The following MGAT5 variants were observed in gnomAD, a reference collection of about 807,000 sequenced individuals.
MGAT5 encodes alpha-1,6-mannosylglycoprotein 6-beta-N-acetylglucosaminyltransferase, also known as alpha-1,6-mannosylglycoprotein 6-beta-N-acetylglucosaminyltransferase A.
Under a neutral mutation model 94.3 loss-of-function variants are expected in MGAT5, and 30 were observed. That is an observed-to-expected ratio of 0.32 (90% confidence interval 0.24 to 0.43). The LOEUF (loss-of-function observed/expected upper bound fraction) is 0.43, where lower values mean the gene tolerates loss of function less well. MGAT5 is among the 20% of genes least tolerant of loss of function. The pLI, the probability that MGAT5 is intolerant of heterozygous loss-of-function variation, is 1.00. For missense variants in MGAT5, 691 were observed against 905.5 expected (o/e 0.76, Z 3.04); for synonymous variants, 310 against 322.9 (o/e 0.96, Z 0.43).
intron 9 of MGAT5, among the ~76,000 whole-genome samples, chr2:134,354,617 G>A (rs1259402582): frequency 4.6e-5 from 7 of 151,984 alleles, no homozygotes; most frequent in Admixed American, 3.9e-4. Flanking sequence ...GTATTATTTT[G>A]CCCCCAGTCT....
intron 1 of MGAT5, among the ~76,000 whole-genome samples, chr2:134,170,051 T>G (rs1268003876): frequency 2.0e-5 from 3 of 152,204 alleles, no homozygotes; most frequent in East Asian, 1.9e-4. Context: ...TGCCATATGA[T>G]GCACCAACTA....
chr2:134,318,881 C>T, intron 4 of MGAT5, 142 bp downstream of exon 4: 1 of 542,964 alleles, frequency 1.8e-6, no homozygotes, highest in South Asian at 2.5e-5. Flanking sequence ...ACTCTCCCTA[C>T]CTCTCCAGGA....
Position 134,317,532 on chromosome 2 carries a change from T to A in MGAT5, c.410T>A (p.Ile137Asn). The change falls in exon 3 of 16, where the codon ATC (isoleucine) becomes AAC (asparagine). Residue 137 changes from isoleucine (I) to asparagine (N), a missense_variant. This residue lies in a region of MGAT5 where 307 missense variants were observed against 335.4 expected (regional missense o/e 0.92). Coordinates refer to ENST00000281923, the MANE Select transcript of MGAT5 (RefSeq NM_002410.5). ...VALEKINVAD[I>N]INGAQEKCVL... ...TGTTGTTTTTCATTCTTCACAGATA[T>A]CATTAACGGAGCTCAAGAAAAATGT... 1 of 1,560,802 alleles carries A rather than the reference T, an allele frequency of 6.4e-7. No homozygotes were observed. Among genetic ancestry groups the A allele is most frequent in the Non-Finnish European group, 8.7e-7 (1 of 1,155,052 alleles).
At chr2:134,310,828 C>T (rs905120823) in intron 2 of MGAT5, among the ~76,000 whole-genome samples, 4 of 152,208 alleles carry the variant, frequency 2.6e-5, no homozygotes, top group African/African-American at 7.2e-5. Context: ...GATTTATTGC[C>T]ATCCACTCCT....
intron 14 of MGAT5, among the ~76,000 whole-genome samples, chr2:134,439,557 T>C (rs1685358524): frequency 2.0e-5 from 3 of 151,830 alleles, no homozygotes; most frequent in Admixed American, 6.6e-5. Context: ...ATTAGCTGGG[T>C]GTGGGGGTGC....
rs1168235958 is a variant in MGAT5, at chr2:134,338,458, C to G, written c.807+38C>G. ...TTAATTCAGTGCAGTTAGATGCCAG[C>G]TTTCTTTTAAAATTTGATTTTGCTT... On this transcript the variant is annotated intron_variant, in intron 6 of 15. Coordinates refer to ENST00000281923, the MANE Select transcript of MGAT5 (RefSeq NM_002410.5). 6 of 1,547,590 alleles carry G rather than the reference C, an allele frequency of 3.9e-6. No individual in the cohort carries two copies. In the South Asian group the frequency reaches 7.3e-5, roughly 19 times the overall value.
chr2:134,186,906 T>C (rs994384906), intron 1 of MGAT5, among the ~76,000 whole-genome samples: 1 of 151,906 alleles, frequency 6.6e-6, no homozygotes, highest in African/African-American at 2.4e-5. Flanking sequence ...AAAAACCAAG[T>C]AGGGCAGGAG....
chr2:134,422,794 C>A lies in MGAT5; in HGVS notation c.1678-9C>A, dbSNP rs761512958. On this transcript the variant is annotated splice_polypyrimidine_tract_variant and intron_variant, in intron 12 of 15. Coordinates refer to ENST00000281923, the MANE Select transcript of MGAT5 (RefSeq NM_002410.5). The stretch of plus-strand genomic sequence containing the variant: ...GCTTGTGAGACTGAGGTGTTCGGTT[C>A]TTTTCCAGCTGACATCCCAGCATCC... The A allele has an allele frequency of 1.9e-6, 3 of 1,612,076 alleles. No individual in the cohort carries two copies. Among genetic ancestry groups the A allele is most frequent in the Admixed American group, 3.3e-5 (2 of 59,992 alleles).
chr2:134,235,727 G>GTTTTTTTTT (rs111416761), intron 1 of MGAT5, among the ~76,000 whole-genome samples: 1 of 149,352 alleles, frequency 6.7e-6, no homozygotes. Context: ...TAATAATAGG[G>GTTTTTTTTT]GTTTTTTTTT....
intron 4 of MGAT5, among the ~76,000 whole-genome samples, chr2:134,327,699 A>G (rs1291517368): frequency 6.6e-6 from 1 of 152,148 alleles, no homozygotes; most frequent in South Asian, 2.1e-4. Flanking sequence ...GAAATATTAG[A>G]AAGTGAAGCC....
chr2:134,180,180 C>T (rs1573805058), intron 1 of MGAT5, among the ~76,000 whole-genome samples: 1 of 152,290 alleles, frequency 6.6e-6, no homozygotes, highest in East Asian at 1.9e-4. Context: ...ATACTCAGTC[C>T]AGCAGCCCAT....
At chr2:134,309,743 G>A (rs1240943436) in intron 2 of MGAT5, among the ~76,000 whole-genome samples, 2 of 152,136 alleles carry the variant, frequency 1.3e-5, no homozygotes, top group Non-Finnish European at 2.9e-5. Flanking sequence ...GTGGCTGTGT[G>A]TATGTATAGC....
chr2:134,321,555 C>A (rs763992787), intron 4 of MGAT5, among the ~76,000 whole-genome samples: 2 of 152,122 alleles, frequency 1.3e-5, no homozygotes, highest in Non-Finnish European at 2.9e-5. Context: ...GAGAGGAATA[C>A]GGGATGAAGA....
At chr2:134,276,155 GC>G (rs561361660) in intron 2 of MGAT5, among the ~76,000 whole-genome samples, 336 of 148,096 alleles carry the variant, frequency 2.3e-3, no homozygotes, top group Middle Eastern at 0.011. Context: ...CTGTTCACAA[GC>G]CCCCCCACCC....
At chr2:134,284,271 G>A (rs374437160) in intron 2 of MGAT5, among the ~76,000 whole-genome samples, 1 of 152,230 alleles carries the variant, frequency 6.6e-6, no homozygotes, top group East Asian at 1.9e-4. Context: ...TGTGTCAGGG[G>A]TCAACAAACT....
intron 1 of MGAT5, among the ~76,000 whole-genome samples, chr2:134,153,868 G>A (rs571469879): frequency 6.6e-6 from 1 of 152,082 alleles, no homozygotes; most frequent in African/African-American, 2.4e-5. Flanking sequence ...TGCTATGAGG[G>A]TTAAGGCCCA....
chr2:134,137,990 G>GTT (rs1175229355), intron 1 of MGAT5, among the ~76,000 whole-genome samples: 17 of 139,340 alleles, frequency 1.2e-4, no homozygotes, highest in East Asian at 2.1e-4. Flanking sequence ...AATTAGGCCT[G>GTT]TTTTTTTTTT....
intron 1 of MGAT5, among the ~76,000 whole-genome samples, chr2:134,214,329 A>G (rs1358389143): frequency 1.3e-5 from 2 of 152,080 alleles, no homozygotes; most frequent in African/African-American, 4.8e-5. Context: ...GCTTTTACCC[A>G]AGTCAGCAGC....
At position 134,362,380 on chromosome 2, in the gene MGAT5, T is replaced by C; in HGVS notation, c.1352T>C (p.Val451Ala). 6.2e-7 allele frequency: 1 copy of C among 1,614,136 alleles called. No homozygotes were observed. The highest frequency in any genetic ancestry group is 8.5e-7 in the Non-Finnish European group (1 of 1,179,990). Residue 451 changes from valine to alanine, a missense_variant, in exon 10 of 16, where the codon GTG becomes GCG. By Grantham distance (64) the Val-to-Ala change is moderately conservative (BLOSUM62 0). Coordinates refer to ENST00000281923, the MANE Select transcript of MGAT5 (RefSeq NM_002410.5). ...ATCAAAAGGCAGAACCAGTCCCTTGTGTATGGCAAAGTGGATAGCTTCTGG... is the reference window on the plus strand; with the variant it reads ...ATCAAAAGGCAGAACCAGTCCCTTGCGTATGGCAAAGTGGATAGCTTCTGG... ...NEIKRQNQSL[V>A]YGKVDSFWKN...
Sources: allele counts gnomAD v4.1 joint callset (sites outside exome capture counted in the v4.1 genomes callset), GRCh38; gene constraint gnomAD v4.1.1; regional missense constraint gnomAD v4.1.1; transcripts MANE v1.5; gene names NCBI Gene and HGNC (gene_info 2026-07-23, HGNC 2026-07-21).